Variants in DCC observed in about 807,000 individuals in gnomAD.
DCC encodes the protein netrin receptor DCC.
A neutral mutation model predicts 172.5 loss-of-function variants in DCC; 58 were observed. The ratio of observed to expected loss-of-function variants is 0.34; its 90% CI spans 0.27 to 0.42. DCC has a LOEUF of 0.42. Among genes scored for constraint, DCC ranks in the 10% least tolerant of loss-of-function variants. The pLI is 1.00. For synonymous variants in DCC, 709 were observed against 644.5 expected (o/e 1.10, Z -1.52); for missense variants, 1,740 against 1,791.0 (o/e 0.97, Z 0.51).
At chr18:53,178,899 T>A (rs1046340640) in intron 8 of DCC, 63 bp from the exon 9 acceptor site, 7 of 1,589,992 alleles carry the variant, frequency 4.4e-6, no homozygotes, top group Admixed American at 3.4e-5. Flanking sequence ...GCACATCAAA[T>A]ACAGATTTTG....
At chr18:52,476,033 T>A (rs1413763817) in intron 1 of DCC, among the ~76,000 whole-genome samples, 1 of 152,152 alleles carries the variant, frequency 6.6e-6, no homozygotes, top group Non-Finnish European at 1.5e-5. Context: ...CTTCAAACAT[T>A]TGAATCCTGA....
chr18:53,385,012 AATTTTTTT>A (rs1568097419), intron 15 of DCC, among the ~76,000 whole-genome samples: 35 of 131,096 alleles, frequency 2.7e-4, no homozygotes, highest in African/African-American at 1.0e-3. Context: ...GTGCCCGGCT[AATTTTTTT>A]CTTTTTTTTT....
intron 1 of DCC, among the ~76,000 whole-genome samples, chr18:52,677,370 T>C (rs977655486): frequency 1.3e-5 from 2 of 152,152 alleles, no homozygotes; most frequent in Non-Finnish European, 2.9e-5. Context: ...TTGAGGCTGT[T>C]GTGAGGCTTA....
intron 27 of DCC, among the ~76,000 whole-genome samples, chr18:53,504,729 G>A (rs779401077): frequency 3.9e-5 from 6 of 152,100 alleles, no homozygotes; most frequent in Non-Finnish European, 8.8e-5. Context: ...AATATTAATA[G>A]GAAAAGAGCT....
chr18:52,929,072 G>C (rs997689807), intron 5 of DCC, among the ~76,000 whole-genome samples: 3 of 152,090 alleles, frequency 2.0e-5, no homozygotes, highest in Non-Finnish European at 4.4e-5. Flanking sequence ...AGTGGGTACT[G>C]GGGAGTGGTG....
intron 2 of DCC, among the ~76,000 whole-genome samples, chr18:52,753,896 G>T (rs1383736520): frequency 6.6e-6 from 1 of 152,000 alleles, no homozygotes; most frequent in East Asian, 1.9e-4. Flanking sequence ...ACCAAAACCT[G>T]TCTTTTTTTT....
intron 7 of DCC, among the ~76,000 whole-genome samples, chr18:53,091,833 ATC>A (rs1342559178): frequency 6.8e-5 from 5 of 73,276 alleles, no homozygotes; most frequent in African/African-American, 3.4e-4. Flanking sequence ...CTATCTATCT[ATC>A]TATCTATCTA....
At chr18:52,916,730 T>A (rs1455981144) in intron 3 of DCC, among the ~76,000 whole-genome samples, 2 of 152,152 alleles carry the variant, frequency 1.3e-5, no homozygotes, top group Non-Finnish European at 2.9e-5. Context: ...TTCAAGGATA[T>A]CTCTACAATT....
intron 1 of DCC, among the ~76,000 whole-genome samples, chr18:52,514,229 G>A (rs1415227279): frequency 6.8e-6 from 1 of 146,696 alleles, no homozygotes; most frequent in African/African-American, 2.5e-5. Flanking sequence ...ATGTATATGT[G>A]TGTGTATATG....
chr18:52,890,767 G>A (rs149839253), intron 2 of DCC, among the ~76,000 whole-genome samples: 6 of 152,120 alleles, frequency 3.9e-5, no homozygotes, highest in Middle Eastern at 3.4e-3. Flanking sequence ...GTATCTATGC[G>A]TCACTTTAAA....
chr18:52,497,275 AAAAAAATATATAT>A lies in DCC; in HGVS notation c.91+156399_91+156411del, dbSNP rs1390331850. On this transcript the variant is annotated intron_variant, in intron 1 of 28. Transcript: ENST00000442544. ...GACCCTGTATCAAAAAAAAAAAAAA[AAAAAAATATATAT>A]ATATATATATATATATATATATATA... 3.8e-3 allele frequency among the ~76,000 whole-genome samples: 168 copies of A among 44,262 alleles called. 27 individuals are homozygous for A. The highest frequency in any genetic ancestry group is 0.014 in the East Asian group (39 of 2,698). The allele number at this position is 44,262 out of a possible 152,430, so 29.0% of individuals were successfully genotyped here.
intron 1 of DCC, among the ~76,000 whole-genome samples, chr18:52,428,178 A>C (rs528237420): frequency 6.6e-6 from 1 of 151,968 alleles, no homozygotes; most frequent in Non-Finnish European, 1.5e-5. Context: ...GCCTCTCTAC[A>C]TGCATATTGA....
intron 1 of DCC, among the ~76,000 whole-genome samples, chr18:52,615,993 A>T (rs2034374148): frequency 6.6e-6 from 1 of 152,204 alleles, no homozygotes; most frequent in Non-Finnish European, 1.5e-5. Flanking sequence ...AATAATTTCA[A>T]ATTTATAAAA....
intron 1 of DCC, among the ~76,000 whole-genome samples, chr18:52,598,340 G>T (rs2033948559): frequency 6.6e-6 from 1 of 152,172 alleles, no homozygotes; most frequent in African/African-American, 2.4e-5. Flanking sequence ...GACCCCTGAT[G>T]GGGTTTTCTG....
In DCC at chr18:52,794,431, TTCA is replaced by T. The variant is rs200076253; in HGVS notation, c.412+42059_412+42061del. ...AGCTATTATAAATGAGATCACGTCC[TTCA>T]TTTTTAAAATCTAGTTTGTTATTGG... On this transcript the variant is annotated intron_variant, in intron 2 of 28. Coordinates refer to ENST00000442544, the MANE Select transcript of DCC (RefSeq NM_005215.4). Among the ~76,000 whole-genome samples, 1,109 of 152,230 alleles carry T rather than the reference TTCA, an allele frequency of 7.3e-3. 6 individuals are homozygous for T. Among genetic ancestry groups the T allele is most frequent in the Non-Finnish European group, 0.011 (746 of 67,972 alleles).
At position 52,537,565 on chromosome 18, in the gene DCC, G is replaced by A. The variant is rs541136185; in HGVS notation, c.91+196687G>A. Among the ~76,000 whole-genome samples the A allele has an allele frequency of 1.8e-4, 27 of 152,178 alleles. 1 individual carries two copies. The highest frequency in any genetic ancestry group is 6.3e-4 in the African/African-American group (26 of 41,526). On this transcript the variant is annotated intron_variant, in intron 1 of 28. Transcript: ENST00000442544. ...CTTGGAGGCTTAAAATTACAGTCTA[G>A]GGGAGGCAGCTACAGTCCACAGCAT...
intron 1 of DCC, among the ~76,000 whole-genome samples, chr18:52,615,372 T>G (rs549502727): frequency 5.9e-5 from 9 of 152,322 alleles, no homozygotes; most frequent in African/African-American, 2.2e-4. Context: ...TAATTCTGTT[T>G]TCAAGATTCA....
chr18:52,906,506 C>CT (rs11322229), intron 3 of DCC, among the ~76,000 whole-genome samples, 178 bp downstream of exon 3: 2,763 of 139,642 alleles, frequency 0.02, 63 homozygotes, highest in African/African-American at 0.059. Flanking sequence ...AAAAGCTGTT[C>CT]TTTTTTTTTT....
chr18:52,584,689 A>G (rs1008409327), intron 1 of DCC, among the ~76,000 whole-genome samples: 2 of 150,940 alleles, frequency 1.3e-5, no homozygotes, highest in African/African-American at 4.9e-5. Context: ...GCACACATGC[A>G]CCACCATGCC....
Sources: gnomAD v4.1 joint callset for allele counts (sites outside exome capture counted in the v4.1 genomes callset) on GRCh38, gnomAD v4.1.1 for gene constraint, MANE v1.5 for transcripts, NCBI Gene and HGNC (gene_info 2026-07-23, HGNC 2026-07-21) for gene names.